Variants in GALNT13 observed in about 807,000 individuals in gnomAD.
The protein encoded by GALNT13 is UDP-GalNAc:polypeptide N-acetylgalactosaminyltransferase 13.
A neutral mutation model predicts 64.2 loss-of-function variants in GALNT13; 28 were observed. The ratio of observed to expected loss-of-function variants is 0.44; its 90% CI spans 0.32 to 0.60. The LOEUF (loss-of-function observed/expected upper bound fraction) is 0.60, where lower values mean the gene tolerates loss of function less well. GALNT13 is among the 20% of genes least tolerant of loss of function. The probability of loss-of-function intolerance (pLI) is 0.05; values close to 1 mark genes in which losing one functional copy is unlikely to be tolerated. For missense variants in GALNT13, 577 were observed against 669.8 expected, an observed-to-expected ratio of 0.86 and a Z score of 1.53; for synonymous variants, 214 against 224.6, an observed-to-expected ratio of 0.95 and a Z score of 0.42.
chr2:154,408,344 A>G (rs915959852), intron 10 of GALNT13, among the ~76,000 whole-genome samples: 4 of 152,048 alleles, frequency 2.6e-5, no homozygotes, highest in South Asian at 2.1e-4. Flanking sequence ...CAGCAATTCA[A>G]TCTTGCTTTT....
intron 3 of GALNT13, among the ~76,000 whole-genome samples, chr2:153,945,598 G>A (rs990249673): frequency 6.6e-6 from 1 of 152,022 alleles, no homozygotes; most frequent in Admixed American, 6.6e-5. Flanking sequence ...AATATGATCT[G>A]CTTTTAATGT....
At chr2:153,915,443 T>G (rs1047057745) in intron 2 of GALNT13, among the ~76,000 whole-genome samples, 13 of 152,170 alleles carry the variant, frequency 8.5e-5, no homozygotes, top group Non-Finnish European at 4.4e-5. Context: ...TTCTGATCCT[T>G]AAGTATTTGT....
chr2:154,320,571 G>A (rs1694568738), intron 9 of GALNT13, among the ~76,000 whole-genome samples: 1 of 152,126 alleles, frequency 6.6e-6, no homozygotes, highest in African/African-American at 2.4e-5. Context: ...GGTGGTGGCT[G>A]TGTGGGAAAA....
chr2:154,061,639 G>A (rs577243198), intron 3 of GALNT13, among the ~76,000 whole-genome samples: 26 of 152,212 alleles, frequency 1.7e-4, no homozygotes, highest in Non-Finnish European at 1.6e-4. Flanking sequence ...TTTGAATGGG[G>A]ACACAGAGCC....
chr2:154,256,641 C>CA (rs1357595414), intron 7 of GALNT13, among the ~76,000 whole-genome samples: 1 of 152,050 alleles, frequency 6.6e-6, no homozygotes. Flanking sequence ...ACATCAATAA[C>CA]AACAACAACA....
the GALNT13 span, among the ~76,000 whole-genome samples, chr2:153,735,367 TAGTG>T: frequency 1.3e-5 from 2 of 152,132 alleles, no homozygotes; most frequent in East Asian, 1.9e-4. Flanking sequence ...ACATAGATTA[TAGTG>T]AGTGACACAC....
At chr2:153,815,340 A>G in the GALNT13 span, among the ~76,000 whole-genome samples, 1 of 152,170 alleles carries the variant, frequency 6.6e-6, no homozygotes, top group East Asian at 1.9e-4. Context: ...CTCTCATTCT[A>G]TAGTTAGTAT....
chr2:153,872,982 G>T (rs1272798398), intron 1 of GALNT13, among the ~76,000 whole-genome samples: 5 of 151,974 alleles, frequency 3.3e-5, no homozygotes, highest in African/African-American at 1.2e-4. Flanking sequence ...TCTTTCTTGG[G>T]ATATCTGTGT....
At chr2:153,132,137 A>G in the GALNT13 span, among the ~76,000 whole-genome samples, 1 of 152,224 alleles carries the variant, frequency 6.6e-6, no homozygotes, top group African/African-American at 2.4e-5. Context: ...GCCTTTAAAT[A>G]TCTGGCAAAC....
chr2:153,411,631 G>A, the GALNT13 span, among the ~76,000 whole-genome samples: 1 of 152,168 alleles, frequency 6.6e-6, no homozygotes, highest in Non-Finnish European at 1.5e-5. Context: ...GGGCAAGCAG[G>A]TGCTGGATCA....
chr2:153,132,391 G>T, the GALNT13 span, among the ~76,000 whole-genome samples: 2 of 152,134 alleles, frequency 1.3e-5, no homozygotes, highest in African/African-American at 4.8e-5. Flanking sequence ...GATATAAAAT[G>T]TTTTGTGATT....
At chr2:153,423,930 T>A in the GALNT13 span, among the ~76,000 whole-genome samples, 2 of 151,414 alleles carry the variant, frequency 1.3e-5, no homozygotes, top group Non-Finnish European at 3.0e-5. Context: ...TGTTAGACTA[T>A]AAAGTGCCTA....
the GALNT13 span, among the ~76,000 whole-genome samples, chr2:153,353,690 G>T: frequency 6.6e-6 from 1 of 152,004 alleles, no homozygotes; most frequent in East Asian, 1.9e-4. Context: ...ATGTTTTTCT[G>T]CATCCATTGA....
the GALNT13 span, among the ~76,000 whole-genome samples, chr2:153,747,342 C>T: frequency 6.6e-6 from 1 of 151,638 alleles, no homozygotes; most frequent in African/African-American, 2.4e-5. Context: ...TTCCCCACAT[C>T]CCACCCCCTG....
the GALNT13 span, among the ~76,000 whole-genome samples, chr2:153,424,058 T>C: frequency 1.3e-5 from 2 of 150,368 alleles, no homozygotes; most frequent in African/African-American, 4.9e-5. Context: ...GAAAAATCCA[T>C]TTACTGAACA....
chr2:154,426,483 G>A (rs1048302529), intron 11 of GALNT13, among the ~76,000 whole-genome samples: 4 of 152,108 alleles, frequency 2.6e-5, no homozygotes, highest in East Asian at 3.9e-4. Context: ...AGAAACCTTC[G>A]GTCATCTGCA....
intron 3 of GALNT13, among the ~76,000 whole-genome samples, chr2:153,994,084 G>C (rs1003926465): frequency 6.6e-6 from 1 of 151,914 alleles, no homozygotes; most frequent in Non-Finnish European, 1.5e-5. Flanking sequence ...CCCCATGACA[G>C]GCCCCAGTGT....
At chr2:154,325,961 A>C (rs1432486419) in intron 9 of GALNT13, among the ~76,000 whole-genome samples, 2 of 152,094 alleles carry the variant, frequency 1.3e-5, no homozygotes, top group Non-Finnish European at 2.9e-5. Context: ...AGCTGTGTTT[A>C]ATAAGCCCAC....
At chr2:153,992,451 C>T (rs1695223860) in intron 3 of GALNT13, among the ~76,000 whole-genome samples, 1 of 152,148 alleles carries the variant, frequency 6.6e-6, no homozygotes, top group Non-Finnish European at 1.5e-5. Flanking sequence ...GTATAGGAAA[C>T]ATATCTGGAC....
Sources: allele counts gnomAD v4.1 joint callset (sites outside exome capture counted in the v4.1 genomes callset), GRCh38; gene constraint gnomAD v4.1.1; transcripts MANE v1.5; gene names NCBI Gene and HGNC (gene_info 2026-07-23, HGNC 2026-07-21).